CUX1: variants seen among roughly 807,000 people sequenced by gnomAD.
CUX1 encodes the protein protein CASP.
CUX1 carries 31 observed loss-of-function variants against 158.8 expected under a neutral mutation model. That is an observed-to-expected ratio of 0.20 (90% CI 0.15 to 0.26). The LOEUF (loss-of-function observed/expected upper bound fraction) is 0.26, where lower values mean the gene tolerates loss of function less well. Ranked by LOEUF, CUX1 falls within the 10% of genes least tolerant of loss-of-function variation. The probability of loss-of-function intolerance (pLI) is 1.00; values close to 1 mark genes in which losing one functional copy is unlikely to be tolerated. For synonymous variants in CUX1, 879 were observed against 862.1 expected, an observed-to-expected ratio of 1.02 and a Z score of -0.34; for missense variants, 1,589 against 2,014.6, an observed-to-expected ratio of 0.79 and a Z score of 4.04.
At chr7:101,997,186 A>C (rs1223043893) in intron 2 of CUX1, among the ~76,000 whole-genome samples, 8 of 151,744 alleles carry the variant, frequency 5.3e-5, no homozygotes, top group Admixed American at 5.2e-4. Flanking sequence ...ACCGAAGACA[A>C]ATCAGGTTCT....
chr7:101,975,330 A>G (rs1157938754), intron 2 of CUX1, among the ~76,000 whole-genome samples: 1 of 151,870 alleles, frequency 6.6e-6, no homozygotes, highest in Non-Finnish European at 1.5e-5. Context: ...AGGCTAAGGC[A>G]GGAGGAGCTT....
chr7:101,967,787 C>T (rs977682267), intron 2 of CUX1, among the ~76,000 whole-genome samples: 8 of 152,156 alleles, frequency 5.3e-5, no homozygotes, highest in African/African-American at 1.9e-4. Context: ...ATGTCTGTGT[C>T]CTCATCTGTA....
intron 1 of CUX1, among the ~76,000 whole-genome samples, chr7:101,821,268 T>G (rs1792452318): frequency 2.0e-5 from 3 of 149,116 alleles, no homozygotes; most frequent in African/African-American, 7.4e-5. Flanking sequence ...CCCAAAAAAA[T>G]TCTACATTTA....
intron 3 of CUX1, among the ~76,000 whole-genome samples, chr7:102,059,916 G>T (rs920040678): frequency 1.3e-5 from 2 of 152,110 alleles, no homozygotes; most frequent in African/African-American, 2.4e-5. Flanking sequence ...TCATTAGCTT[G>T]TAAACTCCCA....
chr7:102,265,489 C>T lies in CUX1; in HGVS notation c.1256-7877C>T, dbSNP rs187521192. 7.1e-3 allele frequency among the ~76,000 whole-genome samples: 1,087 copies of T among 152,048 alleles called. 13 individuals carry two copies. The highest frequency in any genetic ancestry group is 0.024 in the African/African-American group (1,010 of 41,470). On this transcript the variant is annotated intron_variant, in intron 14 of 22. Coordinates refer to the CUX1 transcript ENST00000292538. ...GTCTCACTCTGTTGCCCAGGCTAGA[C>T]GGCAGTGGCATAATCATCGCTCACT... is the stretch of plus-strand genomic sequence containing the variant.
rs149155736 is a variant in CUX1 at position 102,023,937 on chromosome 7, G to GA, written c.142-4154dup. On this transcript the variant is annotated intron_variant, in intron 2 of 23. Transcript: ENST00000292535. ...AGGAGACATGAATATGCTCAAAAGG[G>GA]AAAAAAATACATGGATAGGGTGAGA... Among the ~76,000 whole-genome samples the GA allele has an allele frequency of 5.2e-3, 796 of 152,164 alleles. 7 individuals are homozygous for GA. The highest frequency in any genetic ancestry group is 0.018 in the African/African-American group (763 of 41,558).
chr7:102,162,126 A>G (rs1323655545), intron 9 of CUX1, among the ~76,000 whole-genome samples: 1 of 151,912 alleles, frequency 6.6e-6, no homozygotes, highest in Non-Finnish European at 1.5e-5. Flanking sequence ...ACGCGAAAAG[A>G]TAAGGGGGAA....
At chr7:102,055,553 A>G (rs920906457) in intron 3 of CUX1, among the ~76,000 whole-genome samples, 3 of 152,236 alleles carry the variant, frequency 2.0e-5, no homozygotes, top group African/African-American at 7.2e-5. Context: ...ACTGTGCCCC[A>G]TATAAGATGG....
chr7:102,106,238 C>A (rs138070127), intron 6 of CUX1, among the ~76,000 whole-genome samples: 1 of 151,732 alleles, frequency 6.6e-6, no homozygotes, highest in Non-Finnish European at 1.5e-5. Context: ...CAGGTGTGCA[C>A]GCCACCACGC....
intron 1 of CUX1, among the ~76,000 whole-genome samples, chr7:101,887,449 A>G (rs1392463937): frequency 1.3e-5 from 2 of 151,860 alleles, no homozygotes. Context: ...TGGGACTACA[A>G]GTGTGAGCCA....
intron 2 of CUX1, chr7:101,932,528 G>A (rs373297031): frequency 2.2e-6 from 1 of 450,408 alleles, no homozygotes; most frequent in East Asian, 7.0e-5. Context: ...TCAGTTACAT[G>A]TGCTTTTGAA....
intron 1 of CUX1, among the ~76,000 whole-genome samples, chr7:101,904,898 C>T (rs1802586182): frequency 6.6e-6 from 1 of 152,078 alleles, no homozygotes; most frequent in Non-Finnish European, 1.5e-5. Flanking sequence ...AACATGGGCA[C>T]GTAATCTTTA....
Position 102,121,261 on chromosome 7 carries a change from G to A in CUX1, c.674+5988G>A, listed in dbSNP as rs1016031265. 1.1e-4 allele frequency among the ~76,000 whole-genome samples: 17 copies of A among 152,046 alleles called. No homozygotes were observed. In the East Asian group the frequency reaches 1.9e-3, roughly 17 times the overall value. The stretch of plus-strand genomic sequence containing the variant: ...TGGCTCACTGCAACCTCCACCTCCC[G>A]GGTTCAAGTGATTCTTCTGCCTCAG... On this transcript the variant is annotated intron_variant, in intron 8 of 23. Coordinates refer to ENST00000292535, the MANE Select transcript of CUX1 (RefSeq NM_181552.4).
chr7:102,095,462 CTG>C (rs1235778415), intron 4 of CUX1, among the ~76,000 whole-genome samples: 6 of 152,144 alleles, frequency 3.9e-5, no homozygotes, highest in Admixed American at 1.3e-4. Flanking sequence ...GCATGATGGA[CTG>C]TGTTGCTGTG....
At chr7:102,166,285 C>T (rs1379751645) in intron 9 of CUX1, among the ~76,000 whole-genome samples, 1 of 152,160 alleles carries the variant, frequency 6.6e-6, no homozygotes, top group Non-Finnish European at 1.5e-5. Context: ...CAGCAAATGA[C>T]AGAGAATAGA....
chr7:101,895,577 C>G (rs1032166144), intron 1 of CUX1, among the ~76,000 whole-genome samples: 6 of 152,186 alleles, frequency 3.9e-5, no homozygotes, highest in Non-Finnish European at 8.8e-5. Flanking sequence ...TTGCCGGTGT[C>G]TGTCCCATAG....
rs182023057 is a variant in CUX1, at chr7:102,244,489, G to A, written c.3888-3923G>A. ...AAGGTGGGAGGATTGCTTGAGCCCAGGAGTTTGAGACCAGACTGGGCAACA... is the reference window on the plus strand; with the variant it reads ...AAGGTGGGAGGATTGCTTGAGCCCAAGAGTTTGAGACCAGACTGGGCAACA... On this transcript the variant is annotated intron_variant, in intron 23 of 23. Transcript: ENST00000292535. 6.7e-4 allele frequency among the ~76,000 whole-genome samples: 102 copies of A among 152,086 alleles called. No homozygotes were observed. The East Asian group carries it at 0.016, about 23-fold the overall frequency.
intron 1 of CUX1, among the ~76,000 whole-genome samples, chr7:101,826,523 C>G (rs1214827740): frequency 3.9e-4 from 59 of 152,142 alleles, no homozygotes; most frequent in Admixed American, 3.9e-3. Flanking sequence ...TTCATGCATT[C>G]CTTTTTCTTT....
chr7:102,185,524 A>G (rs1793528900), intron 11 of CUX1, among the ~76,000 whole-genome samples: 1 of 151,318 alleles, frequency 6.6e-6, no homozygotes, highest in East Asian at 1.9e-4. Flanking sequence ...GACTCAAGTG[A>G]TCCTCCTGCC....
Sources: gnomAD v4.1 joint callset for allele counts (sites outside exome capture counted in the v4.1 genomes callset) on GRCh38, gnomAD v4.1.1 for gene constraint, MANE v1.5 for transcripts, NCBI Gene and HGNC (gene_info 2026-07-23, HGNC 2026-07-21) for gene names.